ANKH: variants seen among roughly 807,000 people sequenced by gnomAD.
ANKH encodes the protein mineralization regulator ANKH.
Under a neutral mutation model 49.0 loss-of-function variants are expected in ANKH, and 15 were observed. That is an observed-to-expected ratio of 0.31 (90% confidence interval 0.20 to 0.47). The LOEUF (loss-of-function observed/expected upper bound fraction) is 0.47, where lower values mean the gene tolerates loss of function less well. Among genes scored for constraint, ANKH ranks in the 20% least tolerant of loss-of-function variants. ANKH has a pLI of 1.00. For missense variants in ANKH, 429 were observed against 652.0 expected (o/e 0.66, Z 3.72); for synonymous variants, 273 against 260.0 (o/e 1.05, Z -0.48).
rs530229110 is a variant in ANKH, at chr5:14,871,217, T to C, written c.96+135A>G. ...AATGGGGTGCTGGAAAAGTCACCCT[T>C]GACAAGCTGCACACCCGACCAAATG... is the stretch of plus-strand genomic sequence containing the variant. On this transcript the variant is annotated intron_variant, in intron 1 of 11. Transcript: ENST00000284268. The C allele has an allele frequency of 6.4e-6, 5 of 779,428 alleles. No homozygotes were observed. In the Admixed American group the frequency reaches 8.1e-5, roughly 13 times the overall value. 48.3% of individuals were successfully genotyped at this position (779,428 alleles called of 1,614,324 possible). A position where few individuals can be genotyped will look rare whatever the true frequency, so the allele number is the denominator to read the frequency against.
At position 14,713,045 on chromosome 5, in the gene ANKH, C is replaced by T. The variant is rs926033080; in HGVS notation, c.1266-72G>A. On this transcript the variant is annotated intron_variant, in intron 10 of 11. Coordinates refer to ENST00000284268, the MANE Select transcript of ANKH (RefSeq NM_054027.6). The surrounding 1 kb of genome is among the most constrained non-coding windows in gnomAD (Gnocchi z 4.4). ...AGGCACAACCGTCGATGCCAAAACC[C>T]AGGAAAGTAAGTGTAGCCTCGAGAC... The T allele has an allele frequency of 8.3e-6, 12 of 1,447,196 alleles. No individual in the cohort carries two copies. The highest frequency in any genetic ancestry group is 1.1e-5 in the Non-Finnish European group (12 of 1,048,874). 89.6% of individuals were successfully genotyped at this position (1,447,196 alleles called of 1,614,324 possible).
intron 1 of ANKH, among the ~76,000 whole-genome samples, chr5:14,864,425 G>A (rs1009739914): frequency 3.3e-5 from 5 of 152,086 alleles, no homozygotes; most frequent in Non-Finnish European, 5.9e-5. Flanking sequence ...GAAACAACCC[G>A]CTTACCTAAG....
chr5:14,735,226 T>C (rs1481058631), intron 8 of ANKH, among the ~76,000 whole-genome samples: 1 of 152,138 alleles, frequency 6.6e-6, no homozygotes, highest in African/African-American at 2.4e-5. Context: ...TCCCCATAAA[T>C]ATGTACACCT....
chr5:14,834,917 C>G (rs545560217), intron 1 of ANKH, among the ~76,000 whole-genome samples: 3 of 152,314 alleles, frequency 2.0e-5, no homozygotes, highest in Non-Finnish European at 4.4e-5. Context: ...TTATAAAGCA[C>G]TCTGAGCAGT....
intron 1 of ANKH, among the ~76,000 whole-genome samples, chr5:14,771,921 G>GAAAAAAAAAAAAAAAA (rs869185652): frequency 2.1e-4 from 11 of 53,290 alleles, no homozygotes; most frequent in Non-Finnish European, 2.7e-4. Context: ...CTCAAAAAAA[G>GAAAAAAAAAAAAAAAA]AAAAAAAAAA....
chr5:14,812,615 T>G (rs946844110), intron 1 of ANKH, among the ~76,000 whole-genome samples: 3 of 152,156 alleles, frequency 2.0e-5, no homozygotes, highest in African/African-American at 7.2e-5. Context: ...TTTGTAGCAA[T>G]AATCCTACTA....
rs147404120 is a variant in ANKH, at chr5:14,752,715, AAG to A, written c.517-1478_517-1477del. ...TGCAGCGGGGAGAGGGCTGGTGGGA[AAG>A]AGTGTGTGACTGAGGAGCGGGTAGT... On this transcript the variant is annotated intron_variant, in intron 4 of 11. Coordinates refer to ENST00000284268, the MANE Select transcript of ANKH (RefSeq NM_054027.6). Among the ~76,000 whole-genome samples the A allele has an allele frequency of 8.4e-3, 1,283 of 152,294 alleles. 19 individuals carry two copies. Among genetic ancestry groups the A allele is most frequent in the African/African-American group, 0.029 (1,216 of 41,566 alleles).
At chr5:14,792,017 T>A (rs533409022) in intron 1 of ANKH, among the ~76,000 whole-genome samples, 2 of 152,166 alleles carry the variant, frequency 1.3e-5, no homozygotes, top group Non-Finnish European at 2.9e-5. Flanking sequence ...GTGGCTCTGA[T>A]TCGATCAGCA....
chr5:14,758,356 G>T, intron 3 of ANKH, 124 bp downstream of exon 3: 1 of 759,462 alleles, frequency 1.3e-6, no homozygotes, highest in Non-Finnish European at 2.3e-6. Context: ...ACACAATAAT[G>T]TGAATGTACT....
At chr5:14,731,332 A>AC (rs1395334526) in intron 8 of ANKH, among the ~76,000 whole-genome samples, 1 of 152,118 alleles carries the variant, frequency 6.6e-6, no homozygotes, top group East Asian at 1.9e-4. Context: ...GAACGTAAGA[A>AC]CCCCCATAAG....
At chr5:14,808,351 G>C in intron 1 of ANKH, among the ~76,000 whole-genome samples, 1 of 152,122 alleles carries the variant, frequency 6.6e-6, no homozygotes, top group South Asian at 2.1e-4. Context: ...AGATAAAGCT[G>C]TACCTTCCAA....
At chr5:14,851,526 C>T (rs940993791) in intron 1 of ANKH, among the ~76,000 whole-genome samples, 1 of 152,198 alleles carries the variant, frequency 6.6e-6, no homozygotes, top group African/African-American at 2.4e-5. Flanking sequence ...AAGTGCTCTA[C>T]AAATGTGAAT....
intron 1 of ANKH, among the ~76,000 whole-genome samples, chr5:14,817,127 G>A (rs1741061655): frequency 6.6e-6 from 1 of 152,182 alleles, no homozygotes; most frequent in Non-Finnish European, 1.5e-5. Flanking sequence ...TGGAAAGGAT[G>A]TATTGTGCAA....
At chr5:14,746,082 T>C in intron 6 of ANKH, 120 bp from the exon 7 acceptor site, 1 of 780,608 alleles carries the variant, frequency 1.3e-6, no homozygotes, top group South Asian at 1.4e-5. Flanking sequence ...CCCGCTACAC[T>C]GGGTGACAAA....
At chr5:14,803,454 G>C (rs1479459212) in intron 1 of ANKH, among the ~76,000 whole-genome samples, 2 of 151,864 alleles carry the variant, frequency 1.3e-5, no homozygotes, top group Non-Finnish European at 2.9e-5. Flanking sequence ...TAATTTTTGT[G>C]TTTTTGGTAG....
At chr5:14,851,055 C>G (rs1250562373) in intron 1 of ANKH, among the ~76,000 whole-genome samples, 1 of 152,078 alleles carries the variant, frequency 6.6e-6, no homozygotes, top group Admixed American at 6.5e-5. Flanking sequence ...AGGAGGACTG[C>G]GGAACCTGCC....
chr5:14,818,425 T>A (rs551319846), intron 1 of ANKH, among the ~76,000 whole-genome samples: 1 of 152,068 alleles, frequency 6.6e-6, no homozygotes, highest in South Asian at 2.1e-4. Flanking sequence ...ATGGATCACC[T>A]GAGGTCAGGA....
intron 8 of ANKH, among the ~76,000 whole-genome samples, chr5:14,732,537 C>A (rs1738039023): frequency 6.6e-6 from 1 of 151,890 alleles, no homozygotes; most frequent in South Asian, 2.1e-4. Context: ...ATAAAATATA[C>A]CCCTAGCTAC....
intron 1 of ANKH, among the ~76,000 whole-genome samples, chr5:14,828,376 C>T (rs1055374220): frequency 3.3e-5 from 5 of 152,014 alleles, no homozygotes; most frequent in East Asian, 1.9e-4. Context: ...AAAAATCAGC[C>T]AGGCATGGTG....
Sources: gnomAD v4.1 joint callset for allele counts (sites outside exome capture counted in the v4.1 genomes callset) on GRCh38, gnomAD v4.1.1 for gene constraint, Gnocchi (gnomAD v3.1) non-coding constraint, MANE v1.5 for transcripts, NCBI Gene and HGNC (gene_info 2026-07-23, HGNC 2026-07-21) for gene names.